The following PLCB1 variants were observed in gnomAD, a reference collection of about 807,000 sequenced individuals.
The protein encoded by PLCB1 is 1-phosphatidylinositol 4,5-bisphosphate phosphodiesterase beta-1.
PLCB1 carries 46 observed loss-of-function variants against 161.8 expected under a neutral mutation model. That is an observed-to-expected ratio of 0.28 (90% confidence interval 0.22 to 0.36). PLCB1 has a LOEUF of 0.36. PLCB1 is among the 10% of genes least tolerant of loss of function. The pLI is 1.00. For synonymous variants in PLCB1, 517 were observed against 503.7 expected (o/e 1.03, Z -0.35); for missense variants, 1,016 against 1,472.5 (o/e 0.69, Z 5.07).
chr20:8,396,671 A>C (rs901235609), intron 3 of PLCB1, among the ~76,000 whole-genome samples: 3 of 152,076 alleles, frequency 2.0e-5, no homozygotes, highest in Non-Finnish European at 2.9e-5. Context: ...TTTGAAAAAA[A>C]TTCAACTAAA....
chr20:8,511,350 C>T (rs1162905968), intron 3 of PLCB1, among the ~76,000 whole-genome samples: 1 of 152,052 alleles, frequency 6.6e-6, no homozygotes, highest in Non-Finnish European at 1.5e-5. Context: ...ACATACAAAA[C>T]ATTTCTTTAT....
intron 1 of PLCB1, among the ~76,000 whole-genome samples, chr20:8,141,429 G>A (rs181867849): frequency 1.0e-3 from 153 of 151,838 alleles, no homozygotes; most frequent in Admixed American, 3.2e-3. Flanking sequence ...TTCAAGACCA[G>A]CCTGGCCAAT....
In PLCB1 at chr20:8,153,653, A is replaced by T. The variant is rs533456599; in HGVS notation, c.177+3282A>T. On this transcript the variant is annotated intron_variant, in intron 2 of 31. Coordinates refer to ENST00000338037, the MANE Select transcript of PLCB1 (RefSeq NM_015192.4). ...AACCTATCCTGCTAGAATATGAAAA[A>T]AATTAGACCTTTGCCTTGCAACCTG... is the stretch of plus-strand genomic sequence containing the variant. Among the ~76,000 whole-genome samples, 13 of 152,282 alleles carry T rather than the reference A, an allele frequency of 8.5e-5. No homozygotes were observed. The South Asian group carries it at 2.1e-3, about 24-fold the overall frequency.
At chr20:8,475,416 T>C (rs1389387979) in intron 3 of PLCB1, among the ~76,000 whole-genome samples, 1 of 151,820 alleles carries the variant, frequency 6.6e-6, no homozygotes, top group South Asian at 2.1e-4. Flanking sequence ...CAAGACCCTG[T>C]CTCAAAAAAA....
chr20:8,542,324 G>T (rs545911475), intron 3 of PLCB1, among the ~76,000 whole-genome samples: 24 of 152,268 alleles, frequency 1.6e-4, no homozygotes, highest in African/African-American at 5.5e-4. Context: ...AAAAGCAGAG[G>T]TCAGCTGGAA....
chr20:8,442,960 C>G (rs1285276309), intron 3 of PLCB1, among the ~76,000 whole-genome samples: 1 of 149,856 alleles, frequency 6.7e-6, no homozygotes, highest in Non-Finnish European at 1.5e-5. Flanking sequence ...ATAAAATTAT[C>G]TTGTGAGTTT....
chr20:8,854,041 A>G (rs1289399092), intron 31 of PLCB1, among the ~76,000 whole-genome samples: 1 of 152,208 alleles, frequency 6.6e-6, no homozygotes, highest in Non-Finnish European at 1.5e-5. Context: ...CAAAAACAAG[A>G]AGCCAGAGGG....
chr20:8,404,305 T>C (rs1196530443), intron 3 of PLCB1, among the ~76,000 whole-genome samples: 1 of 152,242 alleles, frequency 6.6e-6, no homozygotes. Flanking sequence ...TTTCCTATTG[T>C]GTAGAAAAAA....
chr20:8,829,827 GA>G (rs1479410691), intron 31 of PLCB1, among the ~76,000 whole-genome samples: 2 of 152,194 alleles, frequency 1.3e-5, no homozygotes, highest in African/African-American at 4.8e-5. Context: ...AAAGGATTTT[GA>G]AATTATTCTT....
intron 7 of PLCB1, among the ~76,000 whole-genome samples, chr20:8,655,114 ATTATCTCTT>A (rs1241903136): frequency 6.6e-6 from 1 of 152,090 alleles, no homozygotes; most frequent in African/African-American, 2.4e-5. Flanking sequence ...GTTTATTCAG[ATTATCTCTT>A]TAATTTGACT....
chr20:8,336,156 A>G (rs1274455368), intron 2 of PLCB1, among the ~76,000 whole-genome samples: 1 of 152,252 alleles, frequency 6.6e-6, no homozygotes, highest in African/African-American at 2.4e-5. Flanking sequence ...TGAAGACTAA[A>G]GGGTAAAAAG....
Position 8,346,022 on chromosome 20 carries a change from T to C in PLCB1, c.178-25360T>C, listed in dbSNP as rs1278293847. Among the ~76,000 whole-genome samples the C allele has an allele frequency of 2.0e-5, 3 of 152,202 alleles. No individual in the cohort carries two copies. In the East Asian group the frequency reaches 5.8e-4, roughly 29 times the overall value. Reference sequence around the variant, plus strand: ...AGTAAAGAGGCCAAGGATATTTGTGTTTTACGTTAGGTCTTGGCAAGGTAA... The same window carrying C: ...AGTAAAGAGGCCAAGGATATTTGTGCTTTACGTTAGGTCTTGGCAAGGTAA... On this transcript the variant is annotated intron_variant, in intron 2 of 31. Coordinates refer to ENST00000338037, the MANE Select transcript of PLCB1 (RefSeq NM_015192.4).
chr20:8,605,064 A>C (rs1987713573), intron 3 of PLCB1, among the ~76,000 whole-genome samples: 1 of 152,174 alleles, frequency 6.6e-6, no homozygotes, highest in South Asian at 2.1e-4. Flanking sequence ...GTAATCCCAC[A>C]CACACACATC....
intron 18 of PLCB1, among the ~76,000 whole-genome samples, chr20:8,730,541 T>G (rs958520651): frequency 5.3e-5 from 8 of 151,856 alleles, no homozygotes; most frequent in African/African-American, 1.9e-4. Context: ...CCTTTACTAC[T>G]ATTAATTTTC....
At chr20:8,396,214 CA>C (rs1211863633) in intron 3 of PLCB1, among the ~76,000 whole-genome samples, 2 of 152,142 alleles carry the variant, frequency 1.3e-5, no homozygotes, top group African/African-American at 4.8e-5. Flanking sequence ...GCTGAAAGTT[CA>C]GAAGTATCAT....
At chr20:8,573,261 G>A (rs193114907) in intron 3 of PLCB1, among the ~76,000 whole-genome samples, 1 of 152,258 alleles carries the variant, frequency 6.6e-6, no homozygotes, top group African/African-American at 2.4e-5. Context: ...GGTGAATACA[G>A]CCTCTCTAGA....
intron 3 of PLCB1, among the ~76,000 whole-genome samples, chr20:8,383,015 T>A (rs1987308899): frequency 6.6e-6 from 1 of 152,228 alleles, no homozygotes; most frequent in South Asian, 2.1e-4. Flanking sequence ...TTCTGTTGAT[T>A]TGGGTTGGAG....
At chr20:8,279,894 T>C (rs530863518) in intron 2 of PLCB1, among the ~76,000 whole-genome samples, 12 of 152,202 alleles carry the variant, frequency 7.9e-5, no homozygotes, top group Non-Finnish European at 1.8e-4. Flanking sequence ...GAAGGCAGGT[T>C]AGTGGTTATC....
chr20:8,859,353 TC>T, intron 31 of PLCB1, among the ~76,000 whole-genome samples: 1 of 152,312 alleles, frequency 6.6e-6, no homozygotes, highest in East Asian at 1.9e-4. Flanking sequence ...ACCTTTAAAC[TC>T]ATGTTTCCAA....
Sources: allele counts gnomAD v4.1 joint callset (sites outside exome capture counted in the v4.1 genomes callset), GRCh38; gene constraint gnomAD v4.1.1; transcripts MANE v1.5; gene names NCBI Gene and HGNC (gene_info 2026-07-23, HGNC 2026-07-21).